The following PHTF1 variants were observed in gnomAD, a reference collection of about 807,000 sequenced individuals.
PHTF1 encodes putative homeodomain transcription factor 1, also known as protein PHTF1.
In PHTF1, 88 loss-of-function variants were observed where a neutral mutation model predicts 102.4. That is an observed-to-expected ratio of 0.86 (90% CI 0.72 to 1.03). The LOEUF (loss-of-function observed/expected upper bound fraction) is 1.03, where lower values mean the gene tolerates loss of function less well. Among genes scored for constraint, PHTF1 ranks in the 50% least tolerant of loss-of-function variants. The probability of loss-of-function intolerance (pLI) is 0.00; values close to 1 mark genes in which losing one functional copy is unlikely to be tolerated. For missense variants in PHTF1, 814 were observed against 909.5 expected (o/e 0.89, Z 1.35); for synonymous variants, 289 against 305.2 (o/e 0.95, Z 0.55).
At chr1:113,731,310 T>A (rs1440179093) in intron 5 of PHTF1, among the ~76,000 whole-genome samples, 2 of 151,860 alleles carry the variant, frequency 1.3e-5, no homozygotes, top group Non-Finnish European at 2.9e-5. Flanking sequence ...GATCATTTGA[T>A]CACTTGACGC....
Position 113,710,317 on chromosome 1 carries a change from C to T in PHTF1, c.1206G>A (p.Gly402=), listed in dbSNP as rs1465803177. 2 of 1,614,000 alleles carry T rather than the reference C, an allele frequency of 1.2e-6. No homozygotes were observed. Among genetic ancestry groups the T allele is most frequent in the Non-Finnish European group, 1.7e-6 (2 of 1,179,998 alleles). ...CTGAGTGAAGGGTATTCACATGGGC[C>T]CCCTCACTGTCACTGGTGACAGATG... is the stretch of plus-strand genomic sequence containing the variant. ...CRSSVTSDSE[G]AHVNTLHSGT... Residue 402 remains glycine (G), a synonymous_variant, in exon 11 of 19, where the codon GGG becomes GGA. Transcript: ENST00000369604.
chr1:113,729,138 G>A (rs1337734457), intron 5 of PHTF1, among the ~76,000 whole-genome samples: 1 of 152,212 alleles, frequency 6.6e-6, no homozygotes, highest in African/African-American at 2.4e-5. Flanking sequence ...TGGAACTAGA[G>A]GACATTATGT....
At position 113,724,853 on chromosome 1, in the gene PHTF1, T is replaced by C. The variant is rs1653581968; in HGVS notation, c.529A>G (p.Asn177Asp). Reference sequence around the variant, plus strand: ...ACTTTATCAGAGGAGTTATTTCCATTTTCTCGGCTCCCATCACCATTTACA... The same window carrying C: ...ACTTTATCAGAGGAGTTATTTCCATCTTCTCGGCTCCCATCACCATTTACA... ...KTVNGDGSRE[N>D]GNNSSDKVRG... Residue 177 changes from asparagine to aspartate, a missense_variant, in exon 7 of 19, where the codon AAT becomes GAT. Asn to Asp is a conservative substitution (Grantham distance 23). Coordinates refer to ENST00000369604, the MANE Select transcript of PHTF1 (RefSeq NM_001323043.2). 5.2e-5 allele frequency: 83 copies of C among 1,609,624 alleles called. No homozygotes were observed. The highest frequency in any genetic ancestry group is 7.0e-5 in the Non-Finnish European group (82 of 1,177,682).
intron 3 of PHTF1, among the ~76,000 whole-genome samples, chr1:113,743,963 C>T (rs116784174): frequency 6.6e-6 from 1 of 152,296 alleles, no homozygotes; most frequent in African/African-American, 2.4e-5. Flanking sequence ...TCCTGCCTTT[C>T]GCTATATGAC....
intron 13 of PHTF1, among the ~76,000 whole-genome samples, chr1:113,705,435 G>A (rs974675298): frequency 1.4e-4 from 21 of 151,790 alleles, no homozygotes; most frequent in Admixed American, 5.9e-4. Context: ...AACAACACCC[G>A]GTCTCAAAAA....
chr1:113,699,041 T>C (rs555190154), intron 17 of PHTF1: 1 of 161,562 alleles, frequency 6.2e-6, no homozygotes, highest in Admixed American at 6.4e-5. Context: ...GCATCAAAGG[T>C]GCCCTTGGCA....
At chr1:113,701,896 A>C (rs1291161259) in intron 15 of PHTF1, among the ~76,000 whole-genome samples, 1 of 150,724 alleles carries the variant, frequency 6.6e-6, no homozygotes, top group Non-Finnish European at 1.5e-5. Context: ...ATATTTTCAA[A>C]CAAGCAAAAA....
intron 10 of PHTF1, among the ~76,000 whole-genome samples, chr1:113,710,811 T>TATATATATA (rs1553224753): frequency 4.8e-5 from 4 of 83,144 alleles, no homozygotes; most frequent in African/African-American, 1.8e-4. Flanking sequence ...TATATATATA[T>TATATATATA]TTTTTTTTTT....
intron 13 of PHTF1, 62 bp downstream of exon 13, chr1:113,705,828 G>T (rs1557906707): frequency 2.3e-6 from 3 of 1,292,164 alleles, no homozygotes; most frequent in Non-Finnish European, 3.3e-6. Context: ...GAGAACAAAA[G>T]CAACTCAATG....
chr1:113,748,942 ATTCAG>A lies in PHTF1; in HGVS notation c.102+8752_102+8756del, dbSNP rs1657618468. Among the ~76,000 whole-genome samples, 4 of 152,342 alleles carry A rather than the reference ATTCAG, an allele frequency of 2.6e-5. No individual in the cohort carries two copies. In the South Asian group the frequency reaches 8.3e-4, roughly 32 times the overall value. On this transcript the variant is annotated intron_variant, in intron 3 of 18. Transcript: ENST00000369604. The stretch of plus-strand genomic sequence containing the variant: ...TAAATTGACAGATAATATTCTATGT[ATTCAG>A]TGTGTACAACATATTCTGAAGTGGA...
intron 3 of PHTF1, among the ~76,000 whole-genome samples, chr1:113,752,976 C>A (rs532090353): frequency 6.6e-6 from 1 of 152,274 alleles, no homozygotes; most frequent in African/African-American, 2.4e-5. Flanking sequence ...CCCCTAAGAA[C>A]CTAGTTTATT....
intron 3 of PHTF1, among the ~76,000 whole-genome samples, chr1:113,745,528 G>A (rs990713853): frequency 2.0e-5 from 3 of 152,156 alleles, no homozygotes; most frequent in African/African-American, 7.2e-5. Flanking sequence ...ATAGTGGTAC[G>A]TGGCCTGTTA....
At chr1:113,724,723 T>C (rs754419320) in intron 7 of PHTF1, 36 bp downstream of exon 7, 2 of 1,535,388 alleles carry the variant, frequency 1.3e-6, no homozygotes, top group Non-Finnish European at 1.8e-6. Flanking sequence ...CTGTAAACAC[T>C]ACGTGAATAC....
In PHTF1 at chr1:113,698,620, TACACACACACACAC is replaced by T. The variant is rs56167437; in HGVS notation, c.2143-247_2143-234del. Among the ~76,000 whole-genome samples, 57 of 49,758 alleles carry T rather than the reference TACACACACACACAC, an allele frequency of 1.1e-3. 1 individual carries two copies. Among genetic ancestry groups the T allele is most frequent in the East Asian group, 4.6e-3 (13 of 2,826 alleles). The allele number at this position is 49,758 out of a possible 152,430, so 32.6% of individuals were successfully genotyped here. A position where few individuals can be genotyped will look rare whatever the true frequency, so the allele number is the denominator to read the frequency against. ...TCATTTGTAGTTTTATATATATATATACACACACACACACACACACACACACACACACACACACA... is the reference window on the plus strand; with the variant it reads ...TCATTTGTAGTTTTATATATATATATACACACACACACACACACACACACA... On this transcript the variant is annotated intron_variant, in intron 17 of 18. Transcript: ENST00000369604.
intron 11 of PHTF1, 105 bp from the exon 12 acceptor site, chr1:113,706,827 A>G: frequency 1.8e-6 from 1 of 566,522 alleles, no homozygotes; most frequent in Non-Finnish European, 3.0e-6. Flanking sequence ...AACCACCTCT[A>G]TAATGCTGGT....
intron 5 of PHTF1, among the ~76,000 whole-genome samples, chr1:113,732,823 C>T (rs1012604637): frequency 2.0e-5 from 3 of 152,108 alleles, no homozygotes; most frequent in Non-Finnish European, 4.4e-5. Context: ...TTTACCCTTA[C>T]AAGTGACCAA....
intron 1 of PHTF1, 128 bp from the exon 2 acceptor site, chr1:113,758,861 G>T: frequency 1.6e-6 from 2 of 1,266,744 alleles, no homozygotes; most frequent in Admixed American, 3.9e-5. Flanking sequence ...GTTTGCCAGG[G>T]AAAACACAAC....
At position 113,711,881 on chromosome 1, in the gene PHTF1, C is replaced by T. The variant is rs776807730; in HGVS notation, c.958-46G>A. 7.5e-6 allele frequency: 12 copies of T among 1,603,212 alleles called. 1 individual carries two copies. The South Asian group carries it at 1.2e-4, about 16-fold the overall frequency. On this transcript the variant is annotated intron_variant, in intron 9 of 18. Coordinates refer to ENST00000369604, the MANE Select transcript of PHTF1 (RefSeq NM_001323043.2). ...AAGCAATAGGAAAATATGTTAAATG[C>T]TTTGTTACTAACTTCAATGATTCAG...
At position 113,704,184 on chromosome 1, in the gene PHTF1, A is replaced by G; in HGVS notation, c.1804-17T>C. On this transcript the variant is annotated splice_polypyrimidine_tract_variant and intron_variant, in intron 14 of 18. Coordinates refer to ENST00000369604, the MANE Select transcript of PHTF1 (RefSeq NM_001323043.2). The stretch of plus-strand genomic sequence containing the variant: ...CCCCCGTCTCTGTGGAGTGAGACAC[A>G]TGTGTTAATGTTTTAGTTACTGGCA... 2 of 1,561,846 alleles carry G rather than the reference A, an allele frequency of 1.3e-6. No homozygotes were observed. The highest frequency in any genetic ancestry group is 1.8e-6 in the Non-Finnish European group (2 of 1,136,816).
Sources: allele counts gnomAD v4.1 joint callset (sites outside exome capture counted in the v4.1 genomes callset), GRCh38; gene constraint gnomAD v4.1.1; transcripts MANE v1.5; gene names NCBI Gene and HGNC (gene_info 2026-07-23, HGNC 2026-07-21).